The following SERINC5 variants were observed in gnomAD, a reference collection of about 807,000 sequenced individuals.
The protein encoded by SERINC5 is chromosome 5 open reading frame 12.
Under a neutral mutation model 63.1 loss-of-function variants are expected in SERINC5, and 41 were observed. The ratio of observed to expected loss-of-function variants is 0.65; its 90% confidence interval spans 0.51 to 0.84. The LOEUF (loss-of-function observed/expected upper bound fraction) is 0.84. Among genes scored for constraint, SERINC5 ranks in the 40% least tolerant of loss-of-function variants. The pLI is 0.00. For synonymous variants in SERINC5, 222 were observed against 215.2 expected, an observed-to-expected ratio of 1.03 and a Z score of -0.28; for missense variants, 523 against 573.0, an observed-to-expected ratio of 0.91 and a Z score of 0.89.
intron 11 of SERINC5, among the ~76,000 whole-genome samples, chr5:80,124,931 G>T (rs1195588200): frequency 6.6e-6 from 1 of 152,172 alleles, no homozygotes; most frequent in Non-Finnish European, 1.5e-5. Context: ...ACTGTGTGGA[G>T]GGGAGGGGAG....
At chr5:80,156,013 G>C (rs1746497917) in intron 8 of SERINC5, among the ~76,000 whole-genome samples, 1 of 152,046 alleles carries the variant, frequency 6.6e-6, no homozygotes, top group Non-Finnish European at 1.5e-5. Flanking sequence ...TACCCCAAAG[G>C]AAACAAGTAT....
intron 11 of SERINC5, among the ~76,000 whole-genome samples, chr5:80,123,082 C>T (rs1486447550): frequency 2.0e-5 from 3 of 148,214 alleles, no homozygotes; most frequent in African/African-American, 7.6e-5. Flanking sequence ...CTAATACATT[C>T]TCTTAATCTG....
Position 80,250,490 on chromosome 5 carries a change from T to C in SERINC5, c.27+5406A>G, listed in dbSNP as rs575992399. Among the ~76,000 whole-genome samples the C allele has an allele frequency of 1.1e-4, 16 of 152,308 alleles. No individual in the cohort carries two copies. The East Asian group carries it at 2.7e-3, about 26-fold the overall frequency. On this transcript the variant is annotated intron_variant, in intron 1 of 11. Transcript: ENST00000507668. The stretch of plus-strand genomic sequence containing the variant: ...CTGAGTAGCTGGGATTACAGGCATA[T>C]GCCATCACGCCCAGTTAATTTTTAT...
intron 8 of SERINC5, among the ~76,000 whole-genome samples, chr5:80,153,984 G>C (rs559814498): frequency 6.6e-6 from 1 of 152,036 alleles, no homozygotes; most frequent in Non-Finnish European, 1.5e-5. Flanking sequence ...TAAATAACAC[G>C]TCCAAACTTT....
intron 1 of SERINC5, among the ~76,000 whole-genome samples, chr5:80,239,516 A>C (rs1340150858): frequency 2.7e-5 from 4 of 149,482 alleles, no homozygotes; most frequent in African/African-American, 9.9e-5. Flanking sequence ...CAACGACATG[A>C]CAAGATTTAA....
chr5:80,194,449 C>T (rs1017549487), intron 2 of SERINC5, among the ~76,000 whole-genome samples: 1 of 152,148 alleles, frequency 6.6e-6, no homozygotes, highest in Non-Finnish European at 1.5e-5. Context: ...TGGATCAAAG[C>T]GGAATATTTT....
intron 1 of SERINC5, among the ~76,000 whole-genome samples, chr5:80,214,881 G>A (rs916208213): frequency 2.0e-5 from 3 of 152,052 alleles, no homozygotes; most frequent in African/African-American, 4.8e-5. Flanking sequence ...TGGGCAACGA[G>A]ACTGAAACTC....
At chr5:80,248,431 C>T (rs964860152) in intron 1 of SERINC5, among the ~76,000 whole-genome samples, 8 of 152,124 alleles carry the variant, frequency 5.3e-5, no homozygotes, top group African/African-American at 9.7e-5. Flanking sequence ...ATTCACATCC[C>T]GGTGGGATGG....
intron 11 of SERINC5, among the ~76,000 whole-genome samples, chr5:80,126,125 G>A (rs999702627): frequency 5.3e-5 from 8 of 152,264 alleles, no homozygotes; most frequent in Middle Eastern, 6.8e-3. Flanking sequence ...ACACTGGAAA[G>A]TCAAAACGAG....
chr5:80,212,456 T>C (rs1359856583), intron 1 of SERINC5, among the ~76,000 whole-genome samples: 3 of 152,192 alleles, frequency 2.0e-5, no homozygotes, highest in Non-Finnish European at 4.4e-5. Context: ...CTTCCCTTCC[T>C]TCTCTTTTGA....
intron 1 of SERINC5, among the ~76,000 whole-genome samples, chr5:80,205,404 G>A (rs1178984827): frequency 6.6e-6 from 1 of 152,204 alleles, no homozygotes; most frequent in Non-Finnish European, 1.5e-5. Context: ...ATGAGCCTAA[G>A]GATGAATGTA....
At chr5:80,224,650 G>A (rs992507044) in intron 1 of SERINC5, among the ~76,000 whole-genome samples, 1 of 152,036 alleles carries the variant, frequency 6.6e-6, no homozygotes, top group African/African-American at 2.4e-5. Context: ...TTTAAAGACG[G>A]AATTTCCCTC....
chr5:80,172,382 C>T (rs1747725109), intron 5 of SERINC5, among the ~76,000 whole-genome samples: 1 of 152,122 alleles, frequency 6.6e-6, no homozygotes, highest in Non-Finnish European at 1.5e-5. Flanking sequence ...ATGAAGAGGA[C>T]AGAACAGGGA....
Position 80,158,925 on chromosome 5 carries a change from C to A in SERINC5, c.897G>T (p.Val299=). ...TGTACAGGTCTTGACCAAAGTCAGG[C>A]ACACAGATTGTAACATTTTTCCCAT... ...DEHGKNVTIC[V]PDFGQDLYRD... The change falls in exon 8 of 12, where the codon GTG becomes GTT. Residue 299 remains valine (V), a synonymous_variant. Coordinates refer to ENST00000507668, the MANE Select transcript of SERINC5 (RefSeq NM_001174072.3). The A allele has an allele frequency of 6.2e-7, 1 of 1,613,692 alleles. No individual in the cohort carries two copies. Among genetic ancestry groups the A allele is most frequent in the African/African-American group, 1.3e-5 (1 of 75,056 alleles).
intron 1 of SERINC5, among the ~76,000 whole-genome samples, chr5:80,234,444 T>C (rs914333917): frequency 1.3e-5 from 2 of 152,218 alleles, no homozygotes; most frequent in African/African-American, 4.8e-5. Context: ...AATTGATGTT[T>C]CCTTTCTAAT....
intron 11 of SERINC5, among the ~76,000 whole-genome samples, chr5:80,129,763 A>C (rs769265705): frequency 6.6e-6 from 1 of 152,214 alleles, no homozygotes; most frequent in African/African-American, 2.4e-5. Context: ...TATGAACTCT[A>C]TTTGAGTGAT....
intron 2 of SERINC5, among the ~76,000 whole-genome samples, chr5:80,189,032 TATAA>T (rs924112492): frequency 4.6e-5 from 7 of 152,336 alleles, no homozygotes; most frequent in Middle Eastern, 3.4e-3. Context: ...TTCTCACTAT[TATAA>T]ATAATGTACA....
chr5:80,154,139 T>C (rs1746366098), intron 8 of SERINC5, among the ~76,000 whole-genome samples: 1 of 152,184 alleles, frequency 6.6e-6, no homozygotes, highest in Non-Finnish European at 1.5e-5. Flanking sequence ...CTGAGCTCTC[T>C]GTGAACCTGG....
At chr5:80,179,635 T>C (rs1371183252) in intron 2 of SERINC5, among the ~76,000 whole-genome samples, 1 of 152,214 alleles carries the variant, frequency 6.6e-6, no homozygotes, top group Non-Finnish European at 1.5e-5. Flanking sequence ...TCCAAAATGC[T>C]TGGGACCAGA....
Sources: allele counts gnomAD v4.1 joint callset (sites outside exome capture counted in the v4.1 genomes callset), GRCh38; gene constraint gnomAD v4.1.1; transcripts MANE v1.5; gene names NCBI Gene and HGNC (gene_info 2026-07-23, HGNC 2026-07-21).